The following CCDC91 variants were observed in gnomAD, a reference collection of about 807,000 sequenced individuals.
The protein encoded by CCDC91 is coiled-coil domain-containing protein 91.
In CCDC91, 48 loss-of-function variants were observed where a neutral mutation model predicts 63.2. The observed-to-expected ratio is 0.76, with a 90% confidence interval of 0.60 to 0.97. The LOEUF (loss-of-function observed/expected upper bound fraction) is 0.97, where lower values mean the gene tolerates loss of function less well. CCDC91 is among the 50% of genes least tolerant of loss of function. The pLI is 0.00. For synonymous variants in CCDC91, 167 were observed against 165.8 expected, an observed-to-expected ratio of 1.01 and a Z score of -0.06; for missense variants, 500 against 494.6, an observed-to-expected ratio of 1.01 and a Z score of -0.10.
rs549555707 is a variant in CCDC91 at position 28,321,844 on chromosome 12, A to G, written c.576+14095A>G. Among the ~76,000 whole-genome samples, 299 of 151,934 alleles carry G rather than the reference A, an allele frequency of 2.0e-3. 1 individual carries two copies. The Middle Eastern group carries it at 0.058, about 30-fold the overall frequency. ...CTAACACATGGAGTATAGCTGTTTT[A>G]TATTTAAAGCTATAGTGTATTGTAT... On this transcript the variant is annotated intron_variant, in intron 6 of 12. Coordinates refer to ENST00000536442, the MANE Select transcript of CCDC91 (RefSeq NM_018318.5).
chr12:28,513,784 A>G (rs1939635444), intron 12 of CCDC91, among the ~76,000 whole-genome samples: 2 of 151,868 alleles, frequency 1.3e-5, no homozygotes, highest in Admixed American at 1.3e-4. Flanking sequence ...TCCTCCAAAG[A>G]GCATGATCGT....
At chr12:28,469,576 G>GA (rs941552303) in intron 11 of CCDC91, among the ~76,000 whole-genome samples, 75 of 150,936 alleles carry the variant, frequency 5.0e-4, no homozygotes, top group African/African-American at 1.4e-3. Context: ...CACAGAAATA[G>GA]AAAAAAAAAT....
chr12:28,356,702 G>T (rs1243342655), intron 6 of CCDC91, among the ~76,000 whole-genome samples: 1 of 151,960 alleles, frequency 6.6e-6, no homozygotes, highest in African/African-American at 2.4e-5. Flanking sequence ...ATGTTCTATA[G>T]TGGAAAACCT....
chr12:28,515,439 C>T (rs1057282189), intron 12 of CCDC91, among the ~76,000 whole-genome samples: 2 of 151,770 alleles, frequency 1.3e-5, no homozygotes, highest in South Asian at 2.1e-4. Context: ...AATAATGTAG[C>T]CCTGTTGGTA....
chr12:28,298,737 AC>A (rs200125551), intron 3 of CCDC91, among the ~76,000 whole-genome samples: 3 of 95,548 alleles, frequency 3.1e-5, no homozygotes, highest in Middle Eastern at 5.4e-3. Context: ...TAAAAAAAAA[AC>A]AACAACAACA....
At chr12:28,369,778 C>T (rs1239067619) in intron 7 of CCDC91, among the ~76,000 whole-genome samples, 1 of 152,214 alleles carries the variant, frequency 6.6e-6, no homozygotes, top group Non-Finnish European at 1.5e-5. Flanking sequence ...GCCTTCTGTG[C>T]ACCTGCAGTG....
At chr12:28,236,969 G>A (rs1198126268) in intron 1 of CCDC91, 3 of 151,816 alleles carry the variant, frequency 2.0e-5, no homozygotes, top group African/African-American at 7.3e-5. Context: ...CCTTTAATCT[G>A]TTTTATTTGA....
At chr12:28,256,078 G>A (rs982795323) in intron 1 of CCDC91, 1 of 151,874 alleles carries the variant, frequency 6.6e-6, no homozygotes, top group African/African-American at 2.4e-5. Context: ...TCAACATTTG[G>A]GTATGTTCAC....
intron 12 of CCDC91, among the ~76,000 whole-genome samples, chr12:28,486,169 A>G (rs1467088126): frequency 6.6e-6 from 1 of 152,202 alleles, no homozygotes; most frequent in Non-Finnish European, 1.5e-5. Context: ...GGTATCCACC[A>G]GTCCACTCTG....
intron 1 of CCDC91, among the ~76,000 whole-genome samples, chr12:28,191,638 C>A (rs892390562): frequency 2.6e-5 from 4 of 152,124 alleles, no homozygotes; most frequent in South Asian, 4.1e-4. Context: ...CTTCCCCCCC[C>A]CACAATATTT....
chr12:28,308,693 C>G (rs1939001837), intron 6 of CCDC91, among the ~76,000 whole-genome samples: 1 of 151,908 alleles, frequency 6.6e-6, no homozygotes, highest in Admixed American at 6.6e-5. Flanking sequence ...TCAAGTATTA[C>G]CTTATCAGAT....
intron 12 of CCDC91, among the ~76,000 whole-genome samples, chr12:28,512,508 C>T (rs938220215): frequency 6.6e-6 from 1 of 151,830 alleles, no homozygotes; most frequent in Non-Finnish European, 1.5e-5. Context: ...CAAAACATGG[C>T]GAATGGGCCA....
intron 3 of CCDC91, among the ~76,000 whole-genome samples, chr12:28,295,609 A>G (rs1335068684): frequency 6.6e-6 from 1 of 152,104 alleles, no homozygotes; most frequent in Admixed American, 6.6e-5. Context: ...TGTATCTTAC[A>G]TTACATAGTG....
At chr12:28,478,840 C>G (rs1359944787) in intron 11 of CCDC91, among the ~76,000 whole-genome samples, 4 of 152,138 alleles carry the variant, frequency 2.6e-5, no homozygotes, top group Admixed American at 2.0e-4. Flanking sequence ...GGCATTTATG[C>G]AGCCAACAGA....
At chr12:28,524,832 T>G (rs1941113056) in intron 12 of CCDC91, among the ~76,000 whole-genome samples, 1 of 73,308 alleles carries the variant, frequency 1.4e-5, no homozygotes, top group Non-Finnish European at 3.2e-5. Context: ...TAGGAGTGTT[T>G]GTCTTTCCAG....
intron 11 of CCDC91, among the ~76,000 whole-genome samples, chr12:28,465,622 C>T (rs575416818): frequency 2.0e-5 from 3 of 152,246 alleles, no homozygotes; most frequent in Admixed American, 6.5e-5. Context: ...CAGTAAGGGT[C>T]TCCGCTAAAG....
intron 6 of CCDC91, among the ~76,000 whole-genome samples, chr12:28,340,259 T>A (rs1942316393): frequency 6.6e-6 from 1 of 152,232 alleles, no homozygotes; most frequent in Non-Finnish European, 1.5e-5. Context: ...CATTGTTTTA[T>A]CATTTTGCAA....
At chr12:28,240,786 G>T (rs1210837980) in intron 1 of CCDC91, among the ~76,000 whole-genome samples, 1 of 152,006 alleles carries the variant, frequency 6.6e-6, no homozygotes, top group East Asian at 1.9e-4. Context: ...GGACATTTTG[G>T]TTGTTTCCAG....
At chr12:28,464,375 G>A (rs1432895253) in intron 11 of CCDC91, among the ~76,000 whole-genome samples, 1 of 152,184 alleles carries the variant, frequency 6.6e-6, no homozygotes, top group East Asian at 1.9e-4. Context: ...CTGAGGTAGT[G>A]TGGCATCACC....
Sources: allele counts gnomAD v4.1 joint callset (sites outside exome capture counted in the v4.1 genomes callset), GRCh38; gene constraint gnomAD v4.1.1; transcripts MANE v1.5; gene names NCBI Gene and HGNC (gene_info 2026-07-23, HGNC 2026-07-21).